Variants in LMLN observed in about 807,000 individuals in gnomAD.
LMLN encodes the protein leishmanolysin-like peptidase.
LMLN carries 70 observed loss-of-function variants against 92.3 expected under a neutral mutation model. That is an observed-to-expected ratio of 0.76 (90% CI 0.63 to 0.92). The LOEUF (loss-of-function observed/expected upper bound fraction) is 0.92, where lower values mean the gene tolerates loss of function less well. Among genes scored for constraint, LMLN ranks in the 40% least tolerant of loss-of-function variants. The probability of loss-of-function intolerance (pLI) is 0.00; values close to 1 mark genes in which losing one functional copy is unlikely to be tolerated. For missense variants in LMLN, 691 were observed against 814.6 expected (o/e 0.85, Z 1.85); for synonymous variants, 308 against 296.2 (o/e 1.04, Z -0.41).
At chr3:197,985,149 T>C (rs1384461288) in intron 7 of LMLN, among the ~76,000 whole-genome samples, 1 of 152,192 alleles carries the variant, frequency 6.6e-6, no homozygotes, top group African/African-American at 2.4e-5. Flanking sequence ...AGTAAATTTA[T>C]TGTAAGCAAG....
At chr3:198,014,555 C>G (rs369768010) in intron 11 of LMLN, among the ~76,000 whole-genome samples, 1 of 78,268 alleles carries the variant, frequency 1.3e-5, no homozygotes, top group East Asian at 4.2e-4. Flanking sequence ...AGCCCCCTAA[C>G]TAGTCTAACT....
intron 12 of LMLN, among the ~76,000 whole-genome samples, chr3:198,020,769 T>TTG (rs1491205019): frequency 0.017 from 1,083 of 65,372 alleles, 195 homozygotes; most frequent in African/African-American, 0.064. Context: ...AATTTTTGTA[T>TTG]TTTTTTTTTT....
At chr3:197,985,745 A>C (rs1721688558) in intron 7 of LMLN, 51 bp from the exon 8 acceptor site, 2 of 1,242,032 alleles carry the variant, frequency 1.6e-6, no homozygotes, top group South Asian at 1.2e-5. Context: ...GCAGGCCTGT[A>C]ATCAGCCTTG....
intron 9 of LMLN, among the ~76,000 whole-genome samples, chr3:197,991,061 A>G (rs1373544566): frequency 1.3e-5 from 2 of 151,924 alleles, no homozygotes; most frequent in African/African-American, 4.8e-5. Flanking sequence ...AAAGAATACG[A>G]GAGAGGAGGG....
At chr3:197,969,455 TACTA>T (rs746356325) in intron 1 of LMLN, among the ~76,000 whole-genome samples, 6 of 152,256 alleles carry the variant, frequency 3.9e-5, no homozygotes, top group Non-Finnish European at 8.8e-5. Flanking sequence ...TAATTTTCTC[TACTA>T]ACTAAGGGTT....
chr3:198,027,278 A>G (rs1722958739), intron 14 of LMLN, among the ~76,000 whole-genome samples: 2 of 150,674 alleles, frequency 1.3e-5, no homozygotes, highest in South Asian at 2.1e-4. Flanking sequence ...CAGATCACCT[A>G]CCTTGCCTCA....
rs1032278372 is a variant in LMLN, at chr3:198,025,637, T to G, written c.1656+849T>G. ...CTCTTGCCTTGGCCTCCCAAAGTAC[T>G]GGGATTATAGATGGCGGCCACCATG... On this transcript the variant is annotated intron_variant, in intron 14 of 15. Transcript: ENST00000330198. This position sits in a 1 kb window ranked among gnomAD's most constrained non-coding sequence, Gnocchi z 4.3. Among the ~76,000 whole-genome samples, 1 of 152,244 alleles carries G rather than the reference T, an allele frequency of 6.6e-6. No homozygotes were observed. Among genetic ancestry groups the G allele is most frequent in the Admixed American group, 6.5e-5 (1 of 15,288 alleles).
chr3:197,971,944 CTTTTTT>C (rs756710031), intron 1 of LMLN, among the ~76,000 whole-genome samples: 38 of 81,222 alleles, frequency 4.7e-4, no homozygotes, highest in African/African-American at 1.6e-3. Flanking sequence ...AGTCTCTGTT[CTTTTTT>C]TTTTTTTTTT....
At chr3:197,987,305 G>A (rs1403813854) in intron 8 of LMLN, among the ~76,000 whole-genome samples, 2 of 151,596 alleles carry the variant, frequency 1.3e-5, no homozygotes, top group African/African-American at 2.4e-5. Flanking sequence ...GACTACAGGC[G>A]CCTGCCAACA....
exon 16 of LMLN, chr3:198,038,908 GCAACCCAACCACC>G (rs1235586417): frequency 1.2e-5 from 4 of 341,912 alleles, no homozygotes; most frequent in African/African-American, 8.3e-5. Flanking sequence ...CACCTCGTCA[GCAACCCAACCACC>G]TCGTCAGCAA....
At chr3:198,017,311 C>T (rs1239162857) in intron 11 of LMLN, among the ~76,000 whole-genome samples, 5 of 152,104 alleles carry the variant, frequency 3.3e-5, no homozygotes, top group African/African-American at 1.2e-4. Flanking sequence ...TTAGAGATTC[C>T]AGTGTGGCTG....
At chr3:197,970,446 C>T (rs1377804832) in intron 1 of LMLN, among the ~76,000 whole-genome samples, 1 of 152,110 alleles carries the variant, frequency 6.6e-6, no homozygotes, top group Non-Finnish European at 1.5e-5. Context: ...GGAAATTAGG[C>T]AAAAACTTCC....
At chr3:198,011,113 T>A (rs1722421303) in intron 11 of LMLN, among the ~76,000 whole-genome samples, 1 of 150,884 alleles carries the variant, frequency 6.6e-6, no homozygotes, top group Non-Finnish European at 1.5e-5. Flanking sequence ...TATCTTGATA[T>A]AAGTTTTTTA....
chr3:197,983,709 A>G (rs1287426855), intron 6 of LMLN, among the ~76,000 whole-genome samples: 2 of 152,218 alleles, frequency 1.3e-5, no homozygotes, highest in African/African-American at 2.4e-5. Flanking sequence ...ATATATTTCA[A>G]AAATTCATAT....
intron 15 of LMLN, among the ~76,000 whole-genome samples, chr3:198,036,403 A>G (rs1037966316): frequency 9.9e-5 from 15 of 152,230 alleles, no homozygotes; most frequent in African/African-American, 3.4e-4. Context: ...TTTTAGTCAT[A>G]TCATAATCAG....
chr3:197,980,757 C>A, intron 6 of LMLN: 2 of 349,354 alleles, frequency 5.7e-6, no homozygotes, highest in Non-Finnish European at 5.2e-6. Flanking sequence ...TTCTGCCTGC[C>A]GTTCCTCTTC....
intron 7 of LMLN, among the ~76,000 whole-genome samples, chr3:197,985,021 G>A (rs1426328649): frequency 6.6e-6 from 1 of 152,178 alleles, no homozygotes; most frequent in African/African-American, 2.4e-5. Flanking sequence ...TCCTTATAGG[G>A]AGAAAGTAGT....
chr3:197,981,907 C>T (rs184137277), intron 6 of LMLN, among the ~76,000 whole-genome samples: 250 of 151,276 alleles, frequency 1.7e-3, no homozygotes, highest in Admixed American at 2.7e-3. Flanking sequence ...CGGGTTCAAG[C>T]GATTCTCCTG....
At chr3:198,008,171 C>T (rs1305376450) in intron 11 of LMLN, among the ~76,000 whole-genome samples, 2 of 151,918 alleles carry the variant, frequency 1.3e-5, no homozygotes, top group Non-Finnish European at 2.9e-5. Context: ...ATATTTGTGA[C>T]GAATATAGAT....
Sources: allele counts gnomAD v4.1 joint callset (sites outside exome capture counted in the v4.1 genomes callset), GRCh38; gene constraint gnomAD v4.1.1; non-coding constraint Gnocchi (gnomAD v3.1); transcripts MANE v1.5; gene names NCBI Gene and HGNC (gene_info 2026-07-23, HGNC 2026-07-21).